Variants in DCDC2 observed in about 807,000 individuals in gnomAD.
The protein encoded by DCDC2 is doublecortin domain-containing protein 2.
In DCDC2, 40 loss-of-function variants were observed where a neutral mutation model predicts 50.2. The observed-to-expected ratio is 0.80, with a 90% CI of 0.62 to 1.04. DCDC2 has a LOEUF of 1.04. Among genes scored for constraint, DCDC2 ranks in the 50% least tolerant of loss-of-function variants. The probability of loss-of-function intolerance (pLI) is 0.00; values close to 1 mark genes in which losing one functional copy is unlikely to be tolerated. For missense variants in DCDC2, 570 were observed against 581.9 expected (o/e 0.98, Z 0.21); for synonymous variants, 234 against 210.6 (o/e 1.11, Z -0.96).
At chr6:24,180,445 C>T (rs561745722) in intron 8 of DCDC2, among the ~76,000 whole-genome samples, 4 of 152,036 alleles carry the variant, frequency 2.6e-5, no homozygotes, top group South Asian at 2.1e-4. Context: ...CCACCACGCC[C>T]GGCTAAATTT....
At chr6:24,187,306 A>G (rs1761226534) in intron 8 of DCDC2, among the ~76,000 whole-genome samples, 2 of 152,142 alleles carry the variant, frequency 1.3e-5, no homozygotes, top group Non-Finnish European at 2.9e-5. Context: ...GAAACTGAAA[A>G]GAGCCCTGGG....
chr6:24,326,047 G>A (rs1000125923), intron 2 of DCDC2, among the ~76,000 whole-genome samples: 2 of 147,918 alleles, frequency 1.4e-5, no homozygotes, highest in Non-Finnish European at 3.0e-5. Context: ...TAAAATTATT[G>A]ATCAAGTTTC....
the DCDC2 span, among the ~76,000 whole-genome samples, chr6:24,372,978 C>G: frequency 6.6e-6 from 1 of 151,924 alleles, no homozygotes; most frequent in Admixed American, 6.6e-5. Flanking sequence ...AAGAAGTAAT[C>G]TAAATAACCA....
chr6:24,338,563 C>G (rs926503987), intron 2 of DCDC2, among the ~76,000 whole-genome samples: 1 of 152,208 alleles, frequency 6.6e-6, no homozygotes, highest in Non-Finnish European at 1.5e-5. Flanking sequence ...AACACATGGT[C>G]GCCTGGCCTC....
At chr6:24,335,047 C>T (rs1003931175) in intron 2 of DCDC2, among the ~76,000 whole-genome samples, 53 of 152,170 alleles carry the variant, frequency 3.5e-4, no homozygotes, top group African/African-American at 1.2e-3. Flanking sequence ...CAACCCTCTA[C>T]TTGATTTGTG....
chr6:24,258,783 A>G (rs116040911), intron 7 of DCDC2, among the ~76,000 whole-genome samples: 2,213 of 152,250 alleles, frequency 0.015, 53 homozygotes, highest in African/African-American at 0.05. Flanking sequence ...TCTCAGAGTC[A>G]CTTGAACCAA....
chr6:24,326,217 G>A (rs540008299), intron 2 of DCDC2, among the ~76,000 whole-genome samples: 1 of 135,974 alleles, frequency 7.4e-6, no homozygotes, highest in Non-Finnish European at 1.7e-5. Flanking sequence ...AAAGAATGAA[G>A]GAAGGAAGGA....
intron 2 of DCDC2, among the ~76,000 whole-genome samples, chr6:24,335,987 T>TA (rs983990535): frequency 4.6e-5 from 7 of 152,216 alleles, no homozygotes; most frequent in African/African-American, 1.7e-4. Flanking sequence ...CCCAGGCTTT[T>TA]ACGCCAGTAC....
the DCDC2 span, among the ~76,000 whole-genome samples, chr6:24,371,383 T>G: frequency 5.7e-3 from 870 of 151,712 alleles, 14 homozygotes; most frequent in African/African-American, 0.019. Context: ...GCAGGTGGAT[T>G]GTTTGAGCTC....
At chr6:24,215,667 G>T (rs191191322) in intron 7 of DCDC2, among the ~76,000 whole-genome samples, 80 of 152,288 alleles carry the variant, frequency 5.3e-4, no homozygotes, top group Non-Finnish European at 9.1e-4. Context: ...CAGTGAGGCT[G>T]GTAGCCAGGA....
intron 7 of DCDC2, among the ~76,000 whole-genome samples, chr6:24,234,050 T>C (rs781183573): frequency 4.0e-5 from 6 of 151,608 alleles, no homozygotes; most frequent in Non-Finnish European, 5.9e-5. Context: ...TTATGCACAA[T>C]GACATAAAGA....
intron 7 of DCDC2, among the ~76,000 whole-genome samples, chr6:24,254,847 T>C (rs1762870592): frequency 6.6e-6 from 1 of 152,112 alleles, no homozygotes; most frequent in East Asian, 1.9e-4. Flanking sequence ...AAAATCATTT[T>C]GACAGATACA....
intron 4 of DCDC2, among the ~76,000 whole-genome samples, chr6:24,296,868 T>A (rs568732905): frequency 6.6e-6 from 1 of 152,096 alleles, no homozygotes; most frequent in Non-Finnish European, 1.5e-5. Flanking sequence ...ACTGGCAGAG[T>A]GTAAACTAGT....
chr6:24,273,830 A>G (rs1451264022), intron 7 of DCDC2, among the ~76,000 whole-genome samples: 1 of 152,248 alleles, frequency 6.6e-6, no homozygotes, highest in African/African-American at 2.4e-5. Context: ...ATTCAAGAGC[A>G]TGACTGCTCA....
chr6:24,358,886 TATTTATATATATAATATA>T, upstream of DCDC2, among the ~76,000 whole-genome samples: 1 of 22,890 alleles, frequency 4.4e-5, no homozygotes, highest in African/African-American at 2.1e-4. Context: ...GTATTATATA[TATTTATATATATAATATA>T]TTATATATTA....
intron 7 of DCDC2, among the ~76,000 whole-genome samples, chr6:24,209,342 C>A (rs371841375): frequency 2.0e-5 from 3 of 152,118 alleles, no homozygotes; most frequent in Admixed American, 2.0e-4. Flanking sequence ...ACCATGACAG[C>A]GTTATTATGT....
chr6:24,251,102 G>A (rs1306760086), intron 7 of DCDC2, among the ~76,000 whole-genome samples: 1 of 152,180 alleles, frequency 6.6e-6, no homozygotes, highest in Non-Finnish European at 1.5e-5. Flanking sequence ...GTAGGAAGAA[G>A]CTTAGATGTG....
chr6:24,266,823 G>A (rs1294948572), intron 7 of DCDC2, among the ~76,000 whole-genome samples: 1 of 152,104 alleles, frequency 6.6e-6, no homozygotes, highest in African/African-American at 2.4e-5. Context: ...CCAAAAGAAA[G>A]GAAATCAGTA....
chr6:24,189,458 C>T (rs1040039083), intron 8 of DCDC2, among the ~76,000 whole-genome samples: 10 of 152,132 alleles, frequency 6.6e-5, no homozygotes, highest in Non-Finnish European at 1.5e-4. Flanking sequence ...ACACTTTAAA[C>T]TCATATCACA....
Sources: allele counts gnomAD v4.1 joint callset (sites outside exome capture counted in the v4.1 genomes callset), GRCh38; gene constraint gnomAD v4.1.1; transcripts MANE v1.5; gene names NCBI Gene and HGNC (gene_info 2026-07-23, HGNC 2026-07-21).